Variants in TFDP2 observed in about 807,000 individuals in gnomAD.
The protein encoded by TFDP2 is transcription factor Dp-2 (E2F dimerization partner 2).
TFDP2 carries 17 observed loss-of-function variants against 59.3 expected under a neutral mutation model. That is an observed-to-expected ratio of 0.29 (90% CI 0.20 to 0.43). The LOEUF (loss-of-function observed/expected upper bound fraction) is 0.43. Among genes scored for constraint, TFDP2 ranks in the 20% least tolerant of loss-of-function variants. The probability of loss-of-function intolerance (pLI) is 1.00; values close to 1 mark genes in which losing one functional copy is unlikely to be tolerated. For synonymous variants in TFDP2, 180 were observed against 194.7 expected (o/e 0.92, Z 0.63); for missense variants, 391 against 528.8 (o/e 0.74, Z 2.56).
chr3:142,032,469 T>C (rs1946481466), intron 3 of TFDP2, among the ~76,000 whole-genome samples: 1 of 152,194 alleles, frequency 6.6e-6, no homozygotes, highest in South Asian at 2.1e-4. Context: ...ACTCCCACTC[T>C]AGAGGATGTG....
Position 141,990,367 on chromosome 3 carries a change from C to T in TFDP2, c.356+3171G>A, listed in dbSNP as rs900447649. On this transcript the variant is annotated intron_variant, in intron 6 of 12. Transcript: ENST00000489671. ...TTGGCTCACTGCAGCCTCTGCCTCC[C>T]GGGTTCAAGCGATTCTCTTGCCTCA... Among the ~76,000 whole-genome samples the T allele has an allele frequency of 6.6e-5, 10 of 150,702 alleles. No homozygotes were observed. In the East Asian group the frequency reaches 7.9e-4, roughly 12 times the overall value.
chr3:142,091,578 A>T (rs958689602), intron 3 of TFDP2, among the ~76,000 whole-genome samples: 7 of 103,648 alleles, frequency 6.8e-5, no homozygotes, highest in African/African-American at 1.5e-4. Context: ...AAAAAAAAAT[A>T]AATAAAATAA....
At chr3:142,059,886 T>G (rs2059861221) in intron 3 of TFDP2, among the ~76,000 whole-genome samples, 1 of 152,150 alleles carries the variant, frequency 6.6e-6, no homozygotes, top group Non-Finnish European at 1.5e-5. Context: ...CCAGCCCCTC[T>G]CCAGCTTTCT....
At chr3:141,963,759 T>C (rs1298714541) in intron 10 of TFDP2, 53 bp downstream of exon 10, 9 of 1,545,802 alleles carry the variant, frequency 5.8e-6, no homozygotes, top group East Asian at 2.3e-5. Context: ...GCAAATGATA[T>C]GAAAATGTTA....
intron 3 of TFDP2, among the ~76,000 whole-genome samples, chr3:142,078,536 T>C (rs368367682): frequency 2.0e-5 from 3 of 152,192 alleles, no homozygotes; most frequent in South Asian, 4.1e-4. Context: ...ACTACCAAGG[T>C]GGCACCTCTA....
chr3:142,038,394 A>AAG (rs1946797208), intron 3 of TFDP2, among the ~76,000 whole-genome samples: 1 of 150,664 alleles, frequency 6.6e-6, no homozygotes, highest in Non-Finnish European at 1.5e-5. Flanking sequence ...AAAAAAAAAA[A>AAG]AAAAAAAAAA....
intron 9 of TFDP2, among the ~76,000 whole-genome samples, chr3:141,966,096 A>G (rs1938007395): frequency 6.6e-6 from 1 of 151,940 alleles, no homozygotes; most frequent in Non-Finnish European, 1.5e-5. Context: ...TCACTATTTA[A>G]TGCTGTGTAC....
At chr3:142,035,957 C>G (rs991766419) in intron 3 of TFDP2, among the ~76,000 whole-genome samples, 1 of 152,198 alleles carries the variant, frequency 6.6e-6, no homozygotes, top group Non-Finnish European at 1.5e-5. Context: ...AAATACTAAT[C>G]AAGTTCTTGA....
At chr3:142,047,736 CTTTTT>C (rs10707832) in intron 3 of TFDP2, among the ~76,000 whole-genome samples, 3 of 112,472 alleles carry the variant, frequency 2.7e-5, no homozygotes, top group Non-Finnish European at 3.7e-5. Flanking sequence ...AACTAATATG[CTTTTT>C]TTTTTTTTTT....
chr3:142,072,566 T>C (rs4683419), intron 3 of TFDP2, among the ~76,000 whole-genome samples: 12,963 of 152,184 alleles, frequency 0.085, 696 homozygotes, highest in Middle Eastern at 0.14. Context: ...AAATGACTGA[T>C]CTGAGGACCG....
intron 3 of TFDP2, among the ~76,000 whole-genome samples, chr3:142,092,485 C>T (rs1279186046): frequency 7.9e-5 from 12 of 152,046 alleles, no homozygotes; most frequent in Non-Finnish European, 4.4e-5. Flanking sequence ...CATCACCATG[C>T]CCGGCTAAGT....
intron 1 of TFDP2, among the ~76,000 whole-genome samples, chr3:142,144,323 G>A (rs1195293336): frequency 2.0e-4 from 31 of 151,674 alleles, no homozygotes; most frequent in African/African-American, 6.5e-4. Context: ...GCAGTGAGCC[G>A]AGATTGCACC....
At position 141,949,694 on chromosome 3, in the gene TFDP2, A is replaced by G. The variant is rs145098368; in HGVS notation, c.*2819T>C. The G allele has an allele frequency of 4.7e-3, 715 of 152,268 alleles. 3 individuals are homozygous for G. The highest frequency in any genetic ancestry group is 7.4e-3 in the Non-Finnish European group (504 of 68,134). The allele number at this position is 152,268 out of a possible 1,614,324, so 9.4% of individuals were successfully genotyped here. ...ACCCTCAAGGGGAAAAGGCCTCTTG[A>G]ACTCCCCACAATCAGTGTGTGCCAG... On this transcript the variant is annotated 3_prime_UTR_variant, in exon 13 of 13. Transcript: ENST00000489671.
At chr3:142,073,996 C>T (rs188385769) in intron 3 of TFDP2, among the ~76,000 whole-genome samples, 17 of 152,160 alleles carry the variant, frequency 1.1e-4, no homozygotes, top group East Asian at 1.9e-4. Context: ...ACAATCATGA[C>T]GAAGAATAAA....
intron 3 of TFDP2, among the ~76,000 whole-genome samples, chr3:142,033,478 T>C (rs1946532742): frequency 6.6e-6 from 1 of 152,158 alleles, no homozygotes; most frequent in South Asian, 2.1e-4. Flanking sequence ...ATGCATGCTT[T>C]ATCACAACTT....
chr3:141,977,313 T>G, intron 7 of TFDP2, among the ~76,000 whole-genome samples: 1 of 149,846 alleles, frequency 6.7e-6, no homozygotes, highest in Non-Finnish European at 1.5e-5. Flanking sequence ...GGCTCATGCC[T>G]GTAATCCCAG....
intron 3 of TFDP2, among the ~76,000 whole-genome samples, chr3:142,011,733 G>A (rs1380000997): frequency 6.6e-6 from 1 of 151,316 alleles, no homozygotes; most frequent in East Asian, 1.9e-4. Flanking sequence ...TGGTAAGGAT[G>A]TGGCAAAACA....
chr3:142,074,849 C>G (rs2060387238), intron 3 of TFDP2, among the ~76,000 whole-genome samples: 1 of 151,830 alleles, frequency 6.6e-6, no homozygotes, highest in African/African-American at 2.4e-5. Flanking sequence ...GAGACTTTGT[C>G]TCAAAAAAAT....
At chr3:142,042,808 C>T (rs1170058465) in intron 3 of TFDP2, among the ~76,000 whole-genome samples, 4 of 135,218 alleles carry the variant, frequency 3.0e-5, no homozygotes, top group Non-Finnish European at 4.6e-5. Flanking sequence ...GGCTTGATCT[C>T]GGCTCACCAC....
Sources: allele counts gnomAD v4.1 joint callset (sites outside exome capture counted in the v4.1 genomes callset), GRCh38; gene constraint gnomAD v4.1.1; transcripts MANE v1.5; gene names NCBI Gene and HGNC (gene_info 2026-07-23, HGNC 2026-07-21).